Variants in SMARCA1 observed in about 807,000 individuals in gnomAD.
SMARCA1 encodes SNF2 related chromatin remodeling ATPase 1, also known as SWI/SNF-related matrix-associated actin-dependent regulator of chromatin subfamily A member 1.
A neutral mutation model predicts 93.6 loss-of-function variants in SMARCA1; 17 were observed. The observed-to-expected ratio is 0.18, with a 90% confidence interval of 0.12 to 0.27. The LOEUF (loss-of-function observed/expected upper bound fraction) is 0.27, where lower values mean the gene tolerates loss of function less well. SMARCA1 is among the 10% of genes least tolerant of loss of function. The pLI is 1.00. For missense variants in SMARCA1, 630 were observed against 819.0 expected (o/e 0.77, Z 2.82); for synonymous variants, 271 against 271.4 (o/e 1.00, Z 0.01).
chrX:129,505,348 T>G (rs751120914), intron 8 of SMARCA1, among the ~76,000 whole-genome samples: 1 of 110,355 alleles, frequency 9.1e-6, no homozygotes, highest in South Asian at 3.9e-4. Flanking sequence ...CTGTCTCTAC[T>G]AAAAATACAA....
chrX:129,470,432 A>G (rs1569429637), intron 20 of SMARCA1, among the ~76,000 whole-genome samples: 1 of 111,431 alleles, frequency 9.0e-6, no homozygotes, highest in East Asian at 2.8e-4. Context: ...GAAATCTCTC[A>G]TCATTGTATG....
chrX:129,458,337 C>G (rs1296063435), intron 23 of SMARCA1, among the ~76,000 whole-genome samples: 3 of 112,441 alleles, frequency 2.7e-5, no homozygotes, highest in African/African-American at 9.7e-5. Context: ...GTTTCCAAGT[C>G]CTGTTTTAAG....
At chrX:129,482,016 T>C (rs1304863179) in intron 17 of SMARCA1, among the ~76,000 whole-genome samples, 33 of 96,610 alleles carry the variant, frequency 3.4e-4, no homozygotes, top group Non-Finnish European at 5.2e-4. Context: ...AAATGATGAG[T>C]TCATGTCCTT....
At chrX:129,462,845 G>A (rs1230701024) in intron 23 of SMARCA1, among the ~76,000 whole-genome samples, 1 of 110,491 alleles carries the variant, frequency 9.1e-6, no homozygotes, top group Non-Finnish European at 1.9e-5. Flanking sequence ...TAAAGAAAGA[G>A]TACAGAGGTA....
chrX:129,508,666 A>G (rs3131256), intron 6 of SMARCA1, among the ~76,000 whole-genome samples: 29,199 of 111,543 alleles, frequency 0.26, 4,180 homozygotes, highest in African/African-American at 0.55. Flanking sequence ...GGTTACAAAT[A>G]TGATTTCATA....
rs1038075564 is a variant in SMARCA1 at position 129,515,895 on chromosome X, T to C, written c.528A>G (p.Ser176=). 4 of 1,187,553 alleles carry C rather than the reference T, an allele frequency of 3.4e-6. No homozygotes were observed. Among genetic ancestry groups the C allele is most frequent in the African/African-American group, 3.5e-5 (2 of 56,979 alleles). The change falls in exon 4 of 25, where the codon TCA becomes TCG. Residue 176 remains serine, a splice_region_variant and synonymous_variant. Transcript: ENST00000371121. The part of the protein sequence containing the change: ...NVCIRFEVSP[S]YVKGGPLRDY... ...TCACCAATGTGATGAAGTACTTACA[T>C]GAAGGTGACACCTCAAATCTAATAC... is the stretch of plus-strand genomic sequence containing the variant.
intron 19 of SMARCA1, among the ~76,000 whole-genome samples, chrX:129,474,989 A>T (rs918207086): frequency 9.9e-5 from 11 of 110,908 alleles, no homozygotes; most frequent in Non-Finnish European, 1.9e-4. Context: ...TTCCACCATG[A>T]TTGTGAGGCC....
chrX:129,493,000 A>G (rs1186926713), intron 13 of SMARCA1, 40 bp downstream of exon 13: 7 of 450,006 alleles, frequency 1.6e-5, no homozygotes, highest in Non-Finnish European at 2.4e-5. Context: ...CTGGAAAGCA[A>G]TTTGGCAATA....
At chrX:129,450,932 T>C (rs1303070662) in intron 23 of SMARCA1, among the ~76,000 whole-genome samples, 4 of 111,509 alleles carry the variant, frequency 3.6e-5, no homozygotes, top group African/African-American at 9.8e-5. Context: ...ATAGGAAATG[T>C]AAGATACAAA....
In SMARCA1 at chrX:129,498,043, C is replaced by G; in HGVS notation, c.1306G>C (p.Asp436His). The G allele has an allele frequency of 8.4e-7, 1 of 1,185,239 alleles. No individual in the cohort carries two copies. Among genetic ancestry groups the G allele is most frequent in the Non-Finnish European group, 1.1e-6 (1 of 871,657 alleles). Residue 436 changes from aspartate (D) to histidine (H), a missense_variant, in exon 11 of 25, where the codon GAT becomes CAT. Physicochemically the swap from Asp to His is moderately conservative, Grantham distance 81. Around this residue, in one of 4 missense-constraint regions of SMARCA1, gnomAD observed 382 missense variants for 537.9 expected, o/e 0.71. Coordinates refer to ENST00000371121, the MANE Select transcript of SMARCA1 (RefSeq NM_001282874.2). Reference protein sequence around the residue: ...WYTKILMKDIDVLNSSGKMDK... With the variant: ...WYTKILMKDIHVLNSSGKMDK... ...ATCTTGCCAGAAGAGTTTAAAACAT[C>G]AATATCTTTCATCAGGATTTTTGTA...
chrX:129,499,790 G>C lies in SMARCA1; in HGVS notation c.1219C>G (p.Leu407Val). 8.4e-7 allele frequency: 1 copy of C among 1,187,507 alleles called. No individual in the cohort carries two copies. Among genetic ancestry groups the C allele is most frequent in the Non-Finnish European group, 1.1e-6 (1 of 876,214 alleles). The change falls in exon 10 of 25, where the codon CTG (leucine) becomes GTG (valine). Residue 407 changes from leucine (L) to valine (V), a missense_variant. Leu to Val is a conservative substitution (Grantham distance 32). This residue lies in a region of SMARCA1 where 382 missense variants were observed against 537.9 expected (regional missense o/e 0.71). Coordinates refer to ENST00000371121, the MANE Select transcript of SMARCA1 (RefSeq NM_001282874.2). ...RRIKTDVEKS[L>V]PPKKEIKIYL... Reference sequence around the variant, plus strand: ...ATCTTTATTTCCTTTTTAGGTGGCAGACTCTTCTCTACATCAGTTTTTATA... The same window carrying C: ...ATCTTTATTTCCTTTTTAGGTGGCACACTCTTCTCTACATCAGTTTTTATA...
chrX:129,470,306 A>G (rs929130387), intron 20 of SMARCA1, among the ~76,000 whole-genome samples: 32 of 110,664 alleles, frequency 2.9e-4, no homozygotes, highest in African/African-American at 1.0e-3. Flanking sequence ...CGTAAAACTC[A>G]TGATAGCAAT....
intron 5 of SMARCA1, among the ~76,000 whole-genome samples, chrX:129,515,359 C>CTAAAAA (rs1240133259): frequency 9.1e-6 from 1 of 109,552 alleles, no homozygotes; most frequent in Non-Finnish European, 1.9e-5. Context: ...CCTGTCTCTA[C>CTAAAAA]TAAAAATAAA....
chrX:129,470,271 T>C (rs963606032), intron 20 of SMARCA1, among the ~76,000 whole-genome samples: 8 of 110,889 alleles, frequency 7.2e-5, no homozygotes, highest in Non-Finnish European at 1.1e-4. Context: ...TTATCTTCTA[T>C]AGTTTATTTT....
intron 23 of SMARCA1, among the ~76,000 whole-genome samples, chrX:129,449,605 T>C (rs973468591): frequency 1.8e-5 from 2 of 112,278 alleles, no homozygotes; most frequent in Non-Finnish European, 3.8e-5. Flanking sequence ...ATACGGAATA[T>C]CATATATTAT....
chrX:129,517,488 T>G (rs1277364602), intron 2 of SMARCA1, among the ~76,000 whole-genome samples: 1 of 111,167 alleles, frequency 9.0e-6, no homozygotes, highest in Non-Finnish European at 1.9e-5. Flanking sequence ...AAATTCAGAC[T>G]ACAAGCTGGA....
intron 1 of SMARCA1, among the ~76,000 whole-genome samples, chrX:129,519,689 T>C (rs955733434): frequency 8.9e-6 from 1 of 111,753 alleles, no homozygotes; most frequent in Admixed American, 9.5e-5. Flanking sequence ...ATGTTTTGAA[T>C]GTAATCCTGG....
At chrX:129,504,855 C>T (rs1253559952) in intron 8 of SMARCA1, 53 bp from the exon 9 acceptor site, 7 of 744,008 alleles carry the variant, frequency 9.4e-6, no homozygotes, top group Non-Finnish European at 1.4e-5. Context: ...TAAATATACC[C>T]GATATTCTGT....
At chrX:129,515,630 A>G (rs1355665135) in intron 5 of SMARCA1, 57 bp downstream of exon 5, 4 of 896,172 alleles carry the variant, frequency 4.5e-6, no homozygotes, top group Admixed American at 4.7e-5. Flanking sequence ...AGGTTTTTCA[A>G]ATTTACATAA....
Sources: allele counts gnomAD v4.1 joint callset (sites outside exome capture counted in the v4.1 genomes callset), GRCh38; gene constraint gnomAD v4.1.1; regional missense constraint gnomAD v4.1.1; transcripts MANE v1.5; gene names NCBI Gene and HGNC (gene_info 2026-07-23, HGNC 2026-07-21).